MYO1E: variants seen among roughly 807,000 people sequenced by gnomAD.
MYO1E encodes the protein myosin IE, also known as unconventional myosin-Ie.
Under a neutral mutation model 151.1 loss-of-function variants are expected in MYO1E, and 68 were observed. The observed-to-expected ratio is 0.45, with a 90% CI of 0.37 to 0.55. The LOEUF (loss-of-function observed/expected upper bound fraction) is 0.55. MYO1E is among the 20% of genes least tolerant of loss of function. MYO1E has a pLI of 0.00. For missense variants in MYO1E, 1,363 were observed against 1,389.3 expected (o/e 0.98, Z 0.30); for synonymous variants, 601 against 501.7 (o/e 1.20, Z -2.64).
At chr15:59,287,317 C>T (rs1286265903) in intron 1 of MYO1E, among the ~76,000 whole-genome samples, 4 of 152,208 alleles carry the variant, frequency 2.6e-5, no homozygotes, top group Non-Finnish European at 4.4e-5. Context: ...CATGCAGAGA[C>T]GGGAGCCTTA....
chr15:59,144,865 C>A (rs771263366), intron 26 of MYO1E, among the ~76,000 whole-genome samples: 4 of 151,918 alleles, frequency 2.6e-5, no homozygotes, highest in Non-Finnish European at 5.9e-5. Flanking sequence ...TGTTTTGAGA[C>A]GGAGTTTCAC....
rs371914169 is a variant in MYO1E at position 59,208,796 on chromosome 15, G to A, written c.1415C>T (p.Ala472Val). Reference protein sequence around the residue: ...ILDDVCATMHAVGEGADQTLL... With the variant: ...ILDDVCATMHVVGEGADQTLL... ...CGTCTGATCTGCCCCCTCACCCACCGCATGCATCGTGGCGCACACGTCATC... is the reference window on the plus strand; with the variant it reads ...CGTCTGATCTGCCCCCTCACCCACCACATGCATCGTGGCGCACACGTCATC... Residue 472 changes from alanine to valine, a missense_variant, in exon 14 of 28, where the codon GCG (alanine) becomes GTG (valine). Coordinates refer to ENST00000288235, the MANE Select transcript of MYO1E (RefSeq NM_004998.4). The A allele has an allele frequency of 1.9e-5, 31 of 1,614,044 alleles. No homozygotes were observed. The highest frequency in any genetic ancestry group is 2.4e-5 in the Non-Finnish European group (28 of 1,180,044).
At chr15:59,270,381 A>G (rs758328421) in intron 2 of MYO1E, among the ~76,000 whole-genome samples, 1 of 151,676 alleles carries the variant, frequency 6.6e-6, no homozygotes, top group Non-Finnish European at 1.5e-5. Context: ...GTGAAACCCT[A>G]CCTCTACAAA....
At position 59,303,982 on chromosome 15, in the gene MYO1E, CT is replaced by C. The variant is rs35196401; in HGVS notation, c.4-31534del. On this transcript the variant is annotated intron_variant, in intron 1 of 27. Transcript: ENST00000288235. ...TCTCTATTTTCATTTTCTTTTCTTT[CT>C]TTTTTTTTTTTTTTTTTAGAGGGAG... is the stretch of plus-strand genomic sequence containing the variant. 3.0e-3 allele frequency among the ~76,000 whole-genome samples: 394 copies of C among 132,616 alleles called. 1 individual carries two copies. The highest frequency in any genetic ancestry group is 0.011 in the South Asian group (44 of 4,100). The allele number at this position is 132,616 out of a possible 152,430, so 87.0% of individuals were successfully genotyped here. A position where few individuals can be genotyped will look rare whatever the true frequency, so the allele number is the denominator to read the frequency against.
chr15:59,216,589 T>C (rs545476819), intron 10 of MYO1E, among the ~76,000 whole-genome samples: 3 of 70,452 alleles, frequency 4.3e-5, no homozygotes, highest in South Asian at 7.2e-4. Flanking sequence ...TGTGTGTGTG[T>C]GTGTGTATCT....
chr15:59,288,928 C>T (rs1219407589), intron 1 of MYO1E, among the ~76,000 whole-genome samples: 7 of 152,000 alleles, frequency 4.6e-5, no homozygotes, highest in African/African-American at 1.7e-4. Flanking sequence ...GCCTTGTAGG[C>T]AAAAAATTAA....
At chr15:59,214,576 T>C in intron 11 of MYO1E, 64 bp downstream of exon 11, 2 of 1,384,764 alleles carry the variant, frequency 1.4e-6, no homozygotes, top group East Asian at 2.3e-5. Context: ...CCTAGAATTA[T>C]TTCTTGCAGG....
At chr15:59,194,671 G>C (rs1161658651) in intron 17 of MYO1E, among the ~76,000 whole-genome samples, 2 of 152,288 alleles carry the variant, frequency 1.3e-5, no homozygotes, top group African/African-American at 4.8e-5. Context: ...TGTAGTTTAA[G>C]TCTCTCCCTC....
At chr15:59,194,699 G>A (rs1183452546) in intron 17 of MYO1E, among the ~76,000 whole-genome samples, 1 of 152,124 alleles carries the variant, frequency 6.6e-6, no homozygotes, top group African/African-American at 2.4e-5. Flanking sequence ...TGCTTCTATG[G>A]ACAGTGGGAT....
chr15:59,272,275 A>G (rs369999134), intron 2 of MYO1E, 31 bp downstream of exon 2: 2 of 1,611,512 alleles, frequency 1.2e-6, no homozygotes, highest in Non-Finnish European at 1.7e-6. Flanking sequence ...AATATCACTT[A>G]GAAATGTCCA....
At chr15:59,298,599 C>T (rs1342776495) in intron 1 of MYO1E, among the ~76,000 whole-genome samples, 1 of 152,172 alleles carries the variant, frequency 6.6e-6, no homozygotes, top group Non-Finnish European at 1.5e-5. Context: ...GCCTGTGAAC[C>T]TCACCCCTGC....
chr15:59,312,221 TG>T (rs1436536411), intron 1 of MYO1E, among the ~76,000 whole-genome samples: 3 of 152,162 alleles, frequency 2.0e-5, no homozygotes, highest in African/African-American at 7.2e-5. Flanking sequence ...TCAGTCTAGT[TG>T]GGAAAACAAT....
chr15:59,313,735 G>T (rs1189715653), intron 1 of MYO1E, among the ~76,000 whole-genome samples: 1 of 152,140 alleles, frequency 6.6e-6, no homozygotes, highest in Non-Finnish European at 1.5e-5. Context: ...CTCTGTGTCT[G>T]GCCAATGCAT....
rs2079526354 is a variant in MYO1E at position 59,159,500 on chromosome 15, G to A, written c.2786-1121C>T. Among the ~76,000 whole-genome samples, 1 of 152,190 alleles carries A rather than the reference G, an allele frequency of 6.6e-6. No homozygotes were observed. Among genetic ancestry groups the A allele is most frequent in the African/African-American group, 2.4e-5 (1 of 41,450 alleles). The stretch of plus-strand genomic sequence containing the variant: ...CTGGAGTGTCAGGAGGGAGGTGGGG[G>A]ACTTCATGTGCCTCCTTCCTGACTG... On this transcript the variant is annotated intron_variant, in intron 24 of 27. Coordinates refer to ENST00000288235, the MANE Select transcript of MYO1E (RefSeq NM_004998.4). This position sits in a 1 kb window ranked among gnomAD's most constrained non-coding sequence, Gnocchi z 4.4.
intron 1 of MYO1E, among the ~76,000 whole-genome samples, chr15:59,312,858 AAATAATAAT>A (rs35710505): frequency 6.6e-6 from 1 of 150,540 alleles, no homozygotes; most frequent in Admixed American, 6.6e-5. Flanking sequence ...ACTCTACTAA[AAATAATAAT>A]AATAATAATA....
At chr15:59,300,765 C>T (rs1198744896) in intron 1 of MYO1E, among the ~76,000 whole-genome samples, 1 of 152,100 alleles carries the variant, frequency 6.6e-6, no homozygotes, top group African/African-American at 2.4e-5. Flanking sequence ...GAAGGTCTCA[C>T]AGGCTAGCTC....
At chr15:59,313,289 C>T (rs1032836714) in intron 1 of MYO1E, among the ~76,000 whole-genome samples, 1 of 152,228 alleles carries the variant, frequency 6.6e-6, no homozygotes, top group Non-Finnish European at 1.5e-5. Context: ...AACACACACA[C>T]AGACCAAATC....
intron 18 of MYO1E, among the ~76,000 whole-genome samples, chr15:59,187,411 G>T (rs945442153): frequency 6.6e-6 from 1 of 152,166 alleles, no homozygotes; most frequent in African/African-American, 2.4e-5. Context: ...ACACTCACTA[G>T]GATGGTTAGA....
intron 9 of MYO1E, among the ~76,000 whole-genome samples, chr15:59,219,641 C>T (rs2079941428): frequency 6.6e-6 from 1 of 152,184 alleles, no homozygotes; most frequent in African/African-American, 2.4e-5. Flanking sequence ...GAAGGGCTTC[C>T]TTTTAGAAAG....
Sources: gnomAD v4.1 joint callset for allele counts (sites outside exome capture counted in the v4.1 genomes callset) on GRCh38, gnomAD v4.1.1 for gene constraint, Gnocchi (gnomAD v3.1) non-coding constraint, MANE v1.5 for transcripts, NCBI Gene and HGNC (gene_info 2026-07-23, HGNC 2026-07-21) for gene names.